CGREF1: variants seen among roughly 807,000 people sequenced by gnomAD.
CGREF1 encodes cell growth regulator with EF hand domain protein 1.
Under a neutral mutation model 17.4 loss-of-function variants are expected in CGREF1, and 16 were observed. The ratio of observed to expected loss-of-function variants is 0.92; its 90% CI spans 0.62 to 1.40. The LOEUF (loss-of-function observed/expected upper bound fraction) is 1.40. Ranked by LOEUF, CGREF1 falls within the 40% of genes most tolerant of loss-of-function variation. The pLI, the probability that CGREF1 is intolerant of heterozygous loss-of-function variation, is 0.00. For synonymous variants in CGREF1, 142 were observed against 154.6 expected (o/e 0.92, Z 0.61); for missense variants, 296 against 376.4 (o/e 0.79, Z 1.77).
intron 1 of CGREF1, among the ~76,000 whole-genome samples, chr2:27,115,451 T>C (rs1266957500): frequency 1.3e-5 from 2 of 152,228 alleles, no homozygotes; most frequent in Non-Finnish European, 2.9e-5. Context: ...AAACTTCAGT[T>C]ACCTTATCCA....
chr2:27,109,488 T>C (rs1252662113), intron 1 of CGREF1, among the ~76,000 whole-genome samples: 2 of 151,998 alleles, frequency 1.3e-5, no homozygotes, highest in Non-Finnish European at 2.9e-5. Context: ...TATGTTAATA[T>C]ATGAGGCAAA....
In CGREF1 at chr2:27,101,803, G is replaced by A. The variant is rs373730765; in HGVS notation, c.428C>T (p.Pro143Leu). ...CTCCACGTGCCTGAGGGCTACTCCC[G>A]GGAAGTTGATGAGCTCAGCAGGGGT... Reference protein sequence around the residue: ...LMTPAELINFPGVALRHVEPG... With the variant: ...LMTPAELINFLGVALRHVEPG... The change falls in exon 6 of 6, where the codon CCG becomes CTG. Residue 143 changes from proline to leucine, a missense_variant. By Grantham distance (98) the Pro-to-Leu change is moderately conservative. Around this residue, in one of 3 missense-constraint regions of CGREF1, gnomAD observed 247 missense variants for 267.2 expected, o/e 0.92. Coordinates refer to ENST00000402394, the MANE Select transcript of CGREF1 (RefSeq NM_006569.6). 82 of 1,614,056 alleles carry A rather than the reference G, an allele frequency of 5.1e-5. No individual in the cohort carries two copies. The highest frequency in any genetic ancestry group is 4.9e-4 in the Middle Eastern group (3 of 6,084).
At chr2:27,099,527 T>A, downstream of CGREF1, 1 of 1,614,158 alleles carries the variant, frequency 6.2e-7, no homozygotes, top group African/African-American at 1.3e-5. Context: ...GTGGATACAC[T>A]GGGAGCTGGA....
rs115915645 is a variant in CGREF1 at position 27,101,125 on chromosome 2, C to T, written c.*149G>A. 6.3e-4 allele frequency: 887 copies of T among 1,415,232 alleles called. 4 individuals carry two copies. In the African/African-American group the frequency reaches 0.011, roughly 18 times the overall value. 87.7% of individuals were successfully genotyped at this position (1,415,232 alleles called of 1,614,324 possible). ...GGTAATCTGCCCCTTAACTTAGGGT[C>T]TCCCTGAGCTGCACAGAAAGACCTG... On this transcript the variant is annotated 3_prime_UTR_variant, in exon 6 of 6. Coordinates refer to ENST00000402394, the MANE Select transcript of CGREF1 (RefSeq NM_006569.6).
intron 1 of CGREF1, among the ~76,000 whole-genome samples, chr2:27,115,841 C>A (rs1395100543): frequency 6.6e-6 from 1 of 152,186 alleles, no homozygotes; most frequent in East Asian, 1.9e-4. Flanking sequence ...TGCTTTTGCC[C>A]AACCTGTTCC....
chr2:27,112,082 C>A (rs539119197), intron 1 of CGREF1, among the ~76,000 whole-genome samples: 2 of 152,304 alleles, frequency 1.3e-5, no homozygotes, highest in South Asian at 4.1e-4. Context: ...CCAGCTTGGG[C>A]AACATAGTGA....
At position 27,119,033 on chromosome 2, in the gene CGREF1, C is replaced by T. The variant is rs1207615546; in HGVS notation, c.-199G>A. Reference sequence around the variant, plus strand: ...CCGGAGCCAGTGCCAGCCGCCGCCCCGCCCGCCGGACCTGGCCCTTCGCAG... The same window carrying T: ...CCGGAGCCAGTGCCAGCCGCCGCCCTGCCCGCCGGACCTGGCCCTTCGCAG... On this transcript the variant is annotated 5_prime_UTR_variant, in exon 1 of 6. Coordinates refer to ENST00000402394, the MANE Select transcript of CGREF1 (RefSeq NM_006569.6). This position sits in a 1 kb window ranked among gnomAD's most constrained non-coding sequence, Gnocchi z 5.6. The T allele has an allele frequency of 6.6e-6, 1 of 152,426 alleles. No homozygotes were observed. The highest frequency in any genetic ancestry group is 6.6e-5 in the Admixed American group (1 of 15,204). 9.4% of individuals were successfully genotyped at this position (152,426 alleles called of 1,614,324 possible).
intron 1 of CGREF1, among the ~76,000 whole-genome samples, chr2:27,110,367 A>G (rs980857067): frequency 6.6e-6 from 1 of 151,860 alleles, no homozygotes; most frequent in African/African-American, 2.4e-5. Flanking sequence ...ATACCACTAC[A>G]CTCCAGCCTC....
At chr2:27,118,172 A>G (rs1388150710) in intron 1 of CGREF1, among the ~76,000 whole-genome samples, 1 of 152,132 alleles carries the variant, frequency 6.6e-6, no homozygotes. Flanking sequence ...TTGCAGGGTT[A>G]TCCTGGGTAA....
Position 27,102,211 on chromosome 2 carries a change from G to A in CGREF1, c.228C>T (p.Tyr76=). The change falls in exon 5 of 6, where the codon TAC becomes TAT. Residue 76 remains tyrosine, a synonymous_variant. Coordinates refer to ENST00000402394, the MANE Select transcript of CGREF1 (RefSeq NM_006569.6). The part of the protein sequence containing the change: ...EHLSREQVLL[Y]LFALHDYDQS... ...GGTCATAGTCATGGAGGGCAAAGAG[G>A]TAGAGGAGAACTAAAGAGAAGAGAA... 1.9e-6 allele frequency: 3 copies of A among 1,612,004 alleles called. No individual in the cohort carries two copies. The highest frequency in any genetic ancestry group is 1.1e-5 in the South Asian group (1 of 91,014).
downstream of CGREF1, chr2:27,100,566 T>C: frequency 7.8e-7 from 1 of 1,287,124 alleles, no homozygotes; most frequent in Non-Finnish European, 1.0e-6. Context: ...GAGCATATAA[T>C]GTAAAGGGCT....
At chr2:27,099,966 G>C, downstream of CGREF1, 1 of 1,027,662 alleles carries the variant, frequency 9.7e-7, no homozygotes, top group East Asian at 2.6e-5. Context: ...CTTCCTCAGA[G>C]CCAGCTTCTC....
rs1670899853 is a variant in CGREF1 at position 27,102,085 on chromosome 2, A to G, written c.342+12T>C. On this transcript the variant is annotated intron_variant, in intron 5 of 5. Coordinates refer to ENST00000402394, the MANE Select transcript of CGREF1 (RefSeq NM_006569.6). ...CTCCTTTATGCGGGGATCTCCATCC[A>G]GCAGAGCTTACCGGGTTGGTGGTAG... 2.5e-6 allele frequency: 4 copies of G among 1,598,724 alleles called. No individual in the cohort carries two copies. Among genetic ancestry groups the G allele is most frequent in the Non-Finnish European group, 3.4e-6 (4 of 1,169,200 alleles).
rs541426747 is a variant in CGREF1, at chr2:27,101,277, G to C, written c.954C>G (p.Ile318Met). The change falls in exon 6 of 6, where the codon ATC becomes ATG. Residue 318 changes from isoleucine to methionine, a missense_variant. Around this residue, in one of 3 missense-constraint regions of CGREF1, gnomAD observed 40 missense variants for 40.8 expected, o/e 0.98. Coordinates refer to ENST00000402394, the MANE Select transcript of CGREF1 (RefSeq NM_006569.6). ...VHIVQVENDE[I>M] The stretch of plus-strand genomic sequence containing the variant: ...GGGGTACCTGTATCTTCAAGATCTA[G>C]ATCTCATCATTCTCCACTTGAACAA... 1.3e-6 allele frequency: 2 copies of C among 1,552,184 alleles called. No individual in the cohort carries two copies. Among genetic ancestry groups the C allele is most frequent in the East Asian group, 2.3e-5 (1 of 44,288 alleles).
chr2:27,103,175 A>T, intron 2 of CGREF1: 1 of 926,584 alleles, frequency 1.1e-6, no homozygotes, highest in Non-Finnish European at 1.3e-6. Context: ...GTCAATCCAG[A>T]CCTGTGATGC....
intron 1 of CGREF1, chr2:27,111,071 C>T (rs903977695): frequency 3.9e-5 from 6 of 152,352 alleles, no homozygotes; most frequent in African/African-American, 1.2e-4. Flanking sequence ...ACAAAGCTTC[C>T]ACACTATGGA....
At chr2:27,111,055 G>C (rs1028293002) in intron 1 of CGREF1, 2 of 152,448 alleles carry the variant, frequency 1.3e-5, no homozygotes, top group African/African-American at 4.8e-5. Flanking sequence ...TGCAAAGAGC[G>C]AAAGAACAAA....
intron 1 of CGREF1, among the ~76,000 whole-genome samples, chr2:27,109,885 CAAAAA>C (rs55824603): frequency 1.5e-5 from 1 of 65,820 alleles, no homozygotes; most frequent in Non-Finnish European, 2.5e-5. Context: ...GACTCCGTCT[CAAAAA>C]AAAAAAAAAA....
downstream of CGREF1, chr2:27,100,077 C>T (rs1256636306): frequency 1.7e-6 from 1 of 604,654 alleles, no homozygotes; most frequent in East Asian, 2.8e-5. Flanking sequence ...TCCGCCCAGG[C>T]CCAGAGGAGG....
Sources: gnomAD v4.1 joint callset for allele counts (sites outside exome capture counted in the v4.1 genomes callset) on GRCh38, gnomAD v4.1.1 for gene constraint, gnomAD v4.1.1 regional missense constraint, Gnocchi (gnomAD v3.1) non-coding constraint, MANE v1.5 for transcripts, NCBI Gene and HGNC (gene_info 2026-07-23, HGNC 2026-07-21) for gene names.